Variants in NTRK2 observed in about 807,000 individuals in gnomAD.
The protein encoded by NTRK2 is neurotrophic receptor tyrosine kinase 2.
NTRK2 carries 13 observed loss-of-function variants against 94.5 expected under a neutral mutation model. That is an observed-to-expected ratio of 0.14 (90% CI 0.09 to 0.22). The LOEUF is 0.22. NTRK2 is among the 10% of genes least tolerant of loss of function. NTRK2 has a pLI of 1.00. For missense variants in NTRK2, 639 were observed against 1,071.2 expected (o/e 0.60, Z 5.63); for synonymous variants, 372 against 407.4 (o/e 0.91, Z 1.05).
chr9:84,976,088 G>A (rs1826821809), intron 17 of NTRK2, among the ~76,000 whole-genome samples: 1 of 152,182 alleles, frequency 6.6e-6, no homozygotes, highest in Non-Finnish European at 1.5e-5. Context: ...GAAGCCAGGG[G>A]TCAAGGGGAC....
Position 84,670,776 on chromosome 9 carries a change from C to G in NTRK2, c.28C>G (p.Pro10Ala). The change falls in exon 2 of 19, where the codon CCC becomes GCC. Residue 10 changes from proline (P) to alanine (A), a missense_variant. By Grantham distance (27) the Pro-to-Ala change is conservative (BLOSUM62 -1). This residue lies in a region of NTRK2 where 206 missense variants were observed against 251.5 expected (regional missense o/e 0.82). Coordinates refer to ENST00000277120, the MANE Select transcript of NTRK2 (RefSeq NM_006180.6). MSSWIRWHG[P>A]AMARLWGFCW... Reference sequence around the variant, plus strand: ...GTCGTCCTGGATAAGGTGGCATGGACCCGCCATGGCGCGGCTCTGGGGCTT... The same window carrying G: ...GTCGTCCTGGATAAGGTGGCATGGAGCCGCCATGGCGCGGCTCTGGGGCTT... The G allele has an allele frequency of 6.2e-7, 1 of 1,613,756 alleles. No individual in the cohort carries two copies. Among genetic ancestry groups the G allele is most frequent in the Middle Eastern group, 1.7e-4 (1 of 5,844 alleles).
At chr9:84,881,955 C>T (rs556991749) in intron 14 of NTRK2, among the ~76,000 whole-genome samples, 43 of 152,258 alleles carry the variant, frequency 2.8e-4, no homozygotes, top group Non-Finnish European at 6.2e-4. Flanking sequence ...ACATATTTCT[C>T]TCATTGAATT....
At chr9:84,774,681 G>A (rs2066865133) in intron 12 of NTRK2, among the ~76,000 whole-genome samples, 1 of 152,208 alleles carries the variant, frequency 6.6e-6, no homozygotes. Context: ...GCCCGTCTTG[G>A]AGAAACACAT....
intron 12 of NTRK2, chr9:84,814,838 G>A (rs199820683): frequency 9.4e-7 from 1 of 1,063,900 alleles, no homozygotes; most frequent in Non-Finnish European, 1.1e-6. Flanking sequence ...TATGTCCCCA[G>A]AGCCCTTGGA....
In NTRK2 at chr9:85,026,391, A is replaced by T. The variant is rs1588219484; in HGVS notation, c.*4954A>T. The T allele has an allele frequency of 8.6e-6, 2 of 232,134 alleles. No individual in the cohort carries two copies. 14.4% of individuals were successfully genotyped at this position (232,134 alleles called of 1,614,324 possible). ...CGTTCAATGTACTGGAGCAAGCATC[A>T]TAAAAGCTGCTAGTAGCCATGTGTT... On this transcript the variant is annotated 3_prime_UTR_variant, in exon 19 of 19. Transcript: ENST00000277120.
At chr9:84,982,671 C>G (rs1827779928) in intron 17 of NTRK2, among the ~76,000 whole-genome samples, 1 of 152,202 alleles carries the variant, frequency 6.6e-6, no homozygotes, top group Admixed American at 6.5e-5. Context: ...CAAAATCACA[C>G]TTTTGTACAC....
chr9:84,830,757 C>T (rs368864250), intron 12 of NTRK2, among the ~76,000 whole-genome samples: 1 of 151,944 alleles, frequency 6.6e-6, no homozygotes, highest in Non-Finnish European at 1.5e-5. Flanking sequence ...TAATTATGAT[C>T]CCATATTCTG....
At chr9:84,962,055 G>A (rs1220680208) in intron 17 of NTRK2, among the ~76,000 whole-genome samples, 1 of 152,166 alleles carries the variant, frequency 6.6e-6, no homozygotes, top group Non-Finnish European at 1.5e-5. Flanking sequence ...TTTCACAGGG[G>A]TTTTTGCCAT....
chr9:84,684,893 A>G (rs577427092), intron 2 of NTRK2, among the ~76,000 whole-genome samples: 19 of 152,080 alleles, frequency 1.2e-4, no homozygotes, highest in Non-Finnish European at 8.8e-5. Context: ...CTTGTCTTCT[A>G]ATGTCAGTTA....
At chr9:84,926,272 G>A (rs1399235445) in intron 14 of NTRK2, among the ~76,000 whole-genome samples, 1 of 147,678 alleles carries the variant, frequency 6.8e-6, no homozygotes, top group African/African-American at 2.5e-5. Flanking sequence ...CACTCTTGTT[G>A]CCCAGGATGG....
chr9:85,022,612 C>CAAAAT lies in NTRK2; in HGVS notation c.*1175_*1176insAAAAT. 4.3e-6 allele frequency: 1 copy of CAAAAT among 233,286 alleles called. No individual in the cohort carries two copies. The highest frequency in any genetic ancestry group is 8.5e-6 in the Non-Finnish European group (1 of 118,040). 14.5% of individuals were successfully genotyped at this position (233,286 alleles called of 1,614,324 possible). A position where few individuals can be genotyped will look rare whatever the true frequency, so the allele number is the denominator to read the frequency against. On this transcript the variant is annotated 3_prime_UTR_variant, in exon 19 of 19. Coordinates refer to ENST00000277120, the MANE Select transcript of NTRK2 (RefSeq NM_006180.6). ...CTTCCATGCCCACCCGTCCTTTTAA[C>CAAAAT]TGTGCAAGCAAAATTGTGCATGGTC...
intron 12 of NTRK2, chr9:84,812,548 A>C (rs1162059067): frequency 1.9e-6 from 2 of 1,046,604 alleles, no homozygotes; most frequent in African/African-American, 1.7e-5. Flanking sequence ...AAAGGTGTTG[A>C]TTTACAAAGA....
intron 12 of NTRK2, among the ~76,000 whole-genome samples, chr9:84,829,199 A>G (rs961883332): frequency 1.3e-5 from 2 of 152,034 alleles, no homozygotes; most frequent in Non-Finnish European, 2.9e-5. Flanking sequence ...GGGTTTCGCC[A>G]TATTGTCCAG....
At chr9:84,798,912 C>CCATATATATATA (rs376082856) in intron 12 of NTRK2, among the ~76,000 whole-genome samples, 12 of 128,042 alleles carry the variant, frequency 9.4e-5, no homozygotes, top group African/African-American at 3.7e-4. Context: ...CTTCTAAGTG[C>CCATATATATATA]TATATATATA....
intron 14 of NTRK2, among the ~76,000 whole-genome samples, chr9:84,895,384 C>G (rs990356612): frequency 1.3e-5 from 2 of 152,176 alleles, no homozygotes; most frequent in African/African-American, 4.8e-5. Context: ...TAAAATGATT[C>G]TCCCTAAGCA....
intron 14 of NTRK2, among the ~76,000 whole-genome samples, chr9:84,919,774 A>G (rs2077505279): frequency 1.3e-5 from 2 of 152,192 alleles, no homozygotes; most frequent in Non-Finnish European, 2.9e-5. Flanking sequence ...CAGTGGCCGC[A>G]CCATATAACA....
chr9:84,951,659 C>A (rs2078787333), intron 16 of NTRK2, among the ~76,000 whole-genome samples: 1 of 152,190 alleles, frequency 6.6e-6, no homozygotes, highest in Admixed American at 6.5e-5. Context: ...TCTCCCTTGG[C>A]ACCTTGCACA....
chr9:84,846,909 G>C (rs2074501988), intron 12 of NTRK2, among the ~76,000 whole-genome samples: 1 of 152,194 alleles, frequency 6.6e-6, no homozygotes, highest in Non-Finnish European at 1.5e-5. Context: ...CATGGGCTGG[G>C]AAAATGAGAG....
intron 14 of NTRK2, among the ~76,000 whole-genome samples, chr9:84,930,558 G>A (rs1179525287): frequency 6.6e-6 from 1 of 152,174 alleles, no homozygotes; most frequent in African/African-American, 2.4e-5. Flanking sequence ...GTCCAATTGA[G>A]AGGCTTGGGC....
Sources: allele counts gnomAD v4.1 joint callset (sites outside exome capture counted in the v4.1 genomes callset), GRCh38; gene constraint gnomAD v4.1.1; regional missense constraint gnomAD v4.1.1; transcripts MANE v1.5; gene names NCBI Gene and HGNC (gene_info 2026-07-23, HGNC 2026-07-21).